Variants in CDK6 observed in about 807,000 individuals in gnomAD.
CDK6 encodes cyclin-dependent kinase 6.
A neutral mutation model predicts 37.1 loss-of-function variants in CDK6; 6 were observed. The ratio of observed to expected loss-of-function variants is 0.16; its 90% CI spans 0.09 to 0.32. The LOEUF (loss-of-function observed/expected upper bound fraction) is 0.32. CDK6 is among the 10% of genes least tolerant of loss of function. The pLI, the probability that CDK6 is intolerant of heterozygous loss-of-function variation, is 1.00. For synonymous variants in CDK6, 160 were observed against 161.3 expected (o/e 0.99, Z 0.06); for missense variants, 224 against 418.9 (o/e 0.53, Z 4.06).
chr7:92,726,578 T>C (rs1490725383), intron 3 of CDK6, among the ~76,000 whole-genome samples: 1 of 151,942 alleles, frequency 6.6e-6, no homozygotes, highest in Middle Eastern at 3.2e-3. Flanking sequence ...GCTAGGCTAA[T>C]GTTTTTAGTT....
chr7:92,687,514 A>G (rs1797487730), intron 4 of CDK6, among the ~76,000 whole-genome samples: 1 of 152,244 alleles, frequency 6.6e-6, no homozygotes, highest in African/African-American at 2.4e-5. Flanking sequence ...GTGTTTGTGT[A>G]ATTCTGAAGG....
intron 5 of CDK6, among the ~76,000 whole-genome samples, chr7:92,660,103 A>G (rs1407183184): frequency 6.6e-6 from 1 of 152,182 alleles, no homozygotes; most frequent in Admixed American, 6.5e-5. Flanking sequence ...TTCAGTGGCA[A>G]AGCTGGTAGG....
intron 4 of CDK6, among the ~76,000 whole-genome samples, chr7:92,706,144 T>C (rs1012166445): frequency 1.3e-5 from 2 of 152,236 alleles, no homozygotes; most frequent in Non-Finnish European, 2.9e-5. Context: ...ATCTAACCTA[T>C]TTGGGAAATG....
At chr7:92,707,596 T>G (rs1190543255) in intron 4 of CDK6, among the ~76,000 whole-genome samples, 1 of 152,142 alleles carries the variant, frequency 6.6e-6, no homozygotes, top group African/African-American at 2.4e-5. Context: ...ACAACATCAA[T>G]GGAGTCACTG....
chr7:92,754,510 T>C (rs1308086438), intron 3 of CDK6, among the ~76,000 whole-genome samples: 1 of 152,198 alleles, frequency 6.6e-6, no homozygotes, highest in Non-Finnish European at 1.5e-5. Context: ...TTGAGTAAGT[T>C]GGAACAAACA....
chr7:92,711,642 ACTGCAACCTCTAC>A (rs1798097542), intron 4 of CDK6, among the ~76,000 whole-genome samples: 1 of 135,746 alleles, frequency 7.4e-6, no homozygotes, highest in Non-Finnish European at 1.5e-5. Flanking sequence ...CTCTCAGCTC[ACTGCAACCTCTAC>A]CTCCTGGGCT....
rs1795417201 is a variant in CDK6 at position 92,605,905 on chromosome 7, C to T, written c.*9235G>A. 2 of 233,570 alleles carry T rather than the reference C, an allele frequency of 8.6e-6. No individual in the cohort carries two copies. The highest frequency in any genetic ancestry group is 1.1e-4 in the Admixed American group (2 of 17,786). The allele number at this position is 233,570 out of a possible 1,614,324, so 14.5% of individuals were successfully genotyped here. A position where few individuals can be genotyped will look rare whatever the true frequency, so the allele number is the denominator to read the frequency against. The stretch of plus-strand genomic sequence containing the variant: ...CTGTGTACAGAGAAAAGAGAAGCAA[C>T]ATCTGATACAAAGTCACCTGCCAAC... On this transcript the variant is annotated 3_prime_UTR_variant, in exon 8 of 8. Transcript: ENST00000424848.
In CDK6 at chr7:92,833,048, C is replaced by T. The variant is rs2116030700; in HGVS notation, c.233+43G>A. 1 of 1,402,592 alleles carries T rather than the reference C, an allele frequency of 7.1e-7. No homozygotes were observed. The highest frequency in any genetic ancestry group is 9.7e-7 in the Non-Finnish European group (1 of 1,034,682). 86.9% of individuals were successfully genotyped at this position (1,402,592 alleles called of 1,614,324 possible). On this transcript the variant is annotated intron_variant, in intron 2 of 7. Transcript: ENST00000424848. The surrounding 1 kb of genome is among the most constrained non-coding windows in gnomAD (Gnocchi z 6.1). ...GATTCCCGGCTCGGCCCTCCCCGCG[C>T]GCGCGAGGCCCCAGATGGCGAGGGC...
At chr7:92,812,271 CAT>C (rs1186187082) in intron 2 of CDK6, among the ~76,000 whole-genome samples, 4 of 152,188 alleles carry the variant, frequency 2.6e-5, no homozygotes, top group African/African-American at 9.7e-5. Context: ...GGTTAAGACA[CAT>C]AGTCATGTGG....
intron 2 of CDK6, among the ~76,000 whole-genome samples, chr7:92,789,590 A>G (rs536992455): frequency 6.6e-6 from 1 of 152,208 alleles, no homozygotes; most frequent in African/African-American, 2.4e-5. Context: ...CTGGATTGTT[A>G]TAAGTTGAAG....
In CDK6 at chr7:92,833,015, G is replaced by T; in HGVS notation, c.233+76C>A. 9.4e-7 allele frequency: 1 copy of T among 1,059,160 alleles called. No homozygotes were observed. The highest frequency in any genetic ancestry group is 1.4e-6 in the Non-Finnish European group (1 of 723,684). The allele number at this position is 1,059,160 out of a possible 1,614,324, so 65.6% of individuals were successfully genotyped here. A position where few individuals can be genotyped will look rare whatever the true frequency, so the allele number is the denominator to read the frequency against. On this transcript the variant is annotated intron_variant, in intron 2 of 7. Transcript: ENST00000424848. The surrounding 1 kb of genome is among the most constrained non-coding windows in gnomAD (Gnocchi z 6.1). ...TCGCCCTCTGCCCCGCACCTTTCTG[G>T]GCCTGAGGATTCCCGGCTCGGCCCT... is the stretch of plus-strand genomic sequence containing the variant.
At chr7:92,689,749 C>A (rs1373522329) in intron 4 of CDK6, among the ~76,000 whole-genome samples, 3 of 152,148 alleles carry the variant, frequency 2.0e-5, no homozygotes, top group Non-Finnish European at 4.4e-5. Flanking sequence ...ACACTCCCAC[C>A]AACAATGTAT....
intron 6 of CDK6, among the ~76,000 whole-genome samples, chr7:92,622,048 A>G (rs1206208423): frequency 6.6e-6 from 1 of 150,780 alleles, no homozygotes; most frequent in Non-Finnish European, 1.5e-5. Context: ...CGAATTTCAT[A>G]AAAATCACTG....
chr7:92,656,825 T>G (rs1796709963), intron 5 of CDK6, among the ~76,000 whole-genome samples: 1 of 152,118 alleles, frequency 6.6e-6, no homozygotes, highest in Admixed American at 6.6e-5. Context: ...TCCTTTAGAG[T>G]TGGCCATAAA....
At chr7:92,780,175 T>C (rs1799951199) in intron 2 of CDK6, among the ~76,000 whole-genome samples, 1 of 152,162 alleles carries the variant, frequency 6.6e-6, no homozygotes, top group South Asian at 2.1e-4. Flanking sequence ...TTTCACCATG[T>C]TGGCCAGGCT....
intron 2 of CDK6, among the ~76,000 whole-genome samples, chr7:92,812,423 T>A (rs1800908302): frequency 8.8e-6 from 1 of 113,568 alleles, no homozygotes; most frequent in Non-Finnish European, 1.7e-5. Flanking sequence ...CTCATTCAAT[T>A]TTTTTTTTTT....
chr7:92,637,819 T>C (rs993199095), intron 5 of CDK6, among the ~76,000 whole-genome samples: 2 of 152,132 alleles, frequency 1.3e-5, no homozygotes, highest in African/African-American at 4.8e-5. Context: ...TACAAGGTGA[T>C]TACCATGTTT....
At chr7:92,741,029 A>G (rs1239840272) in intron 3 of CDK6, among the ~76,000 whole-genome samples, 3 of 152,234 alleles carry the variant, frequency 2.0e-5, no homozygotes, top group African/African-American at 7.2e-5. Flanking sequence ...GAGTCAATAC[A>G]AAGACATTCA....
At chr7:92,668,208 C>T (rs976194152) in intron 5 of CDK6, among the ~76,000 whole-genome samples, 1 of 152,112 alleles carries the variant, frequency 6.6e-6, no homozygotes, top group Non-Finnish European at 1.5e-5. Flanking sequence ...ATATGTCATA[C>T]AGATTGGCAG....
Sources: allele counts gnomAD v4.1 joint callset (sites outside exome capture counted in the v4.1 genomes callset), GRCh38; gene constraint gnomAD v4.1.1; non-coding constraint Gnocchi (gnomAD v3.1); transcripts MANE v1.5; gene names NCBI Gene and HGNC (gene_info 2026-07-23, HGNC 2026-07-21).